SLAMF6: variants seen among roughly 807,000 people sequenced by gnomAD.
SLAMF6 encodes NK-T-B-antigen.
SLAMF6 carries 21 observed loss-of-function variants against 38.3 expected under a neutral mutation model. The ratio of observed to expected loss-of-function variants is 0.55; its 90% CI spans 0.39 to 0.79. The LOEUF (loss-of-function observed/expected upper bound fraction) is 0.79. Ranked by LOEUF, SLAMF6 falls within the 30% of genes least tolerant of loss-of-function variation. The probability of loss-of-function intolerance (pLI) is 0.00; values close to 1 mark genes in which losing one functional copy is unlikely to be tolerated. For missense variants in SLAMF6, 341 were observed against 385.3 expected (o/e 0.89, Z 0.96); for synonymous variants, 152 against 146.3 (o/e 1.04, Z -0.28).
At chr1:160,487,336 T>C (rs933232277) in intron 6 of SLAMF6, 161 bp from the exon 7 acceptor site, 1 of 191,162 alleles carries the variant, frequency 5.2e-6, no homozygotes, top group Non-Finnish European at 9.6e-6. Flanking sequence ...CGACTAGCTA[T>C]CAAACTTGTG....
intron 2 of SLAMF6, among the ~76,000 whole-genome samples, chr1:160,492,803 T>C (rs1035315190): frequency 3.9e-5 from 6 of 152,200 alleles, no homozygotes; most frequent in African/African-American, 1.4e-4. Flanking sequence ...GAGTTATCGC[T>C]GATTCATATC....
At chr1:160,502,543 A>AGAT (rs1431679980) in intron 1 of SLAMF6, among the ~76,000 whole-genome samples, 3 of 152,200 alleles carry the variant, frequency 2.0e-5, no homozygotes, top group African/African-American at 7.2e-5. Flanking sequence ...AATGTTAAGT[A>AGAT]GATTGGAATT....
chr1:160,505,206 G>C (rs3903887), intron 1 of SLAMF6, among the ~76,000 whole-genome samples: 137,618 of 152,242 alleles, frequency 0.9, 62,353 homozygotes, highest in Non-Finnish European at 0.93. Context: ...CCAGAGCAAG[G>C]AACAAAACAA....
chr1:160,493,812 G>A (rs964536254), intron 2 of SLAMF6, among the ~76,000 whole-genome samples: 4 of 152,216 alleles, frequency 2.6e-5, no homozygotes, highest in South Asian at 2.1e-4. Context: ...CAATCATGAC[G>A]GAAGGGCAAG....
At position 160,490,227 on chromosome 1, in the gene SLAMF6, G is replaced by A. The variant is rs778399692; in HGVS notation, c.767C>T (p.Ser256Phe). 3.1e-6 allele frequency: 5 copies of A among 1,613,602 alleles called. No individual in the cohort carries two copies. The highest frequency in any genetic ancestry group is 2.7e-5 in the African/African-American group (2 of 74,880). ...LVLRKRRDSL[S>F]LSTQRTQGPA... The stretch of plus-strand genomic sequence containing the variant: ...GCCCTGTGTTCGCTGAGTAGACAAA[G>A]ATAGGGAATCTGAAAAATAAAACCA... The change falls in exon 5 of 8, where the codon TCT becomes TTT. Residue 256 changes from serine (S) to phenylalanine (F), a missense_variant. Transcript: ENST00000368057.
At chr1:160,495,916 G>A in intron 2 of SLAMF6, 145 bp downstream of exon 2, 1 of 712,842 alleles carries the variant, frequency 1.4e-6, no homozygotes, top group Non-Finnish European at 2.3e-6. Flanking sequence ...TGGCTTTGCA[G>A]TGTCATTGTG....
chr1:160,486,813 C>T (rs1652986877), intron 7 of SLAMF6, 59 bp from the exon 8 acceptor site: 6 of 1,576,364 alleles, frequency 3.8e-6, no homozygotes, highest in Admixed American at 1.7e-5. Flanking sequence ...CAGCCCACCC[C>T]TCATAACTAC....
chr1:160,516,209 C>A (rs1654736080), intron 1 of SLAMF6, among the ~76,000 whole-genome samples: 1 of 152,028 alleles, frequency 6.6e-6, no homozygotes, highest in African/African-American at 2.4e-5. Flanking sequence ...ACAACACACA[C>A]AGGCAAGCAG....
At position 160,507,365 on chromosome 1, in the gene SLAMF6, A is replaced by G. The variant is rs1447360149; in HGVS notation, c.50-10972T>C. Reference sequence around the variant, plus strand: ...TAACAATTATAAACACATATGCACCAAACAACAGCCCCAAAATATATAAAG... The same window carrying G: ...TAACAATTATAAACACATATGCACCGAACAACAGCCCCAAAATATATAAAG... On this transcript the variant is annotated intron_variant, in intron 1 of 7. Transcript: ENST00000368057. 2.0e-5 allele frequency among the ~76,000 whole-genome samples: 3 copies of G among 152,148 alleles called. No individual in the cohort carries two copies. The East Asian group carries it at 5.8e-4, about 29-fold the overall frequency.
At chr1:160,518,820 GC>G (rs1252759935) in intron 1 of SLAMF6, among the ~76,000 whole-genome samples, 1 of 152,032 alleles carries the variant, frequency 6.6e-6, no homozygotes, top group Non-Finnish European at 1.5e-5. Flanking sequence ...TGTATGCAGG[GC>G]TTAATACTTA....
At chr1:160,489,021 G>T in intron 6 of SLAMF6, 67 bp downstream of exon 6, 1 of 1,403,354 alleles carries the variant, frequency 7.1e-7, no homozygotes, top group Non-Finnish European at 1.0e-6. Context: ...AGATGGTTAT[G>T]GTGACAAGTT....
rs182417513 is a variant in SLAMF6, at chr1:160,496,778, G to A, written c.50-385C>T. ...AAAACTGCAAGTCTTTGCTAATAAA[G>A]CATAATTAAAGCCTGATATTTACTG... On this transcript the variant is annotated intron_variant, in intron 1 of 7. Transcript: ENST00000368057. 5.3e-5 allele frequency among the ~76,000 whole-genome samples: 8 copies of A among 152,284 alleles called. No homozygotes were observed. In the East Asian group the frequency reaches 1.5e-3, roughly 29 times the overall value.
chr1:160,491,600 T>C (rs534082758), intron 2 of SLAMF6, among the ~76,000 whole-genome samples: 5 of 152,306 alleles, frequency 3.3e-5, no homozygotes, highest in African/African-American at 1.2e-4. Context: ...TGGGGCAGGA[T>C]AGTCAGCAGA....
intron 2 of SLAMF6, among the ~76,000 whole-genome samples, chr1:160,494,467 TG>T (rs1653461983): frequency 6.6e-6 from 1 of 151,982 alleles, no homozygotes; most frequent in South Asian, 2.1e-4. Context: ...CTGCCTGTAG[TG>T]GGTTGAATAA....
At chr1:160,492,320 T>C (rs1335906431) in intron 2 of SLAMF6, among the ~76,000 whole-genome samples, 2 of 152,164 alleles carry the variant, frequency 1.3e-5, no homozygotes, top group African/African-American at 2.4e-5. Flanking sequence ...GGAGTATCTG[T>C]ACTGAAATAT....
rs538460360 is a variant in SLAMF6, at chr1:160,486,759, G to T, written c.952-5C>A. On this transcript the variant is annotated splice_polypyrimidine_tract_variant and splice_region_variant and intron_variant, in intron 7 of 7. Coordinates refer to ENST00000368057, the MANE Select transcript of SLAMF6 (RefSeq NM_001184714.2). ...CCTGGAAAAAGTGGGTTTACTCTGTGGGAAAAAGAGGAAGATGAGGTAGGT... is the reference window on the plus strand; with the variant it reads ...CCTGGAAAAAGTGGGTTTACTCTGTTGGAAAAAGAGGAAGATGAGGTAGGT... The T allele has an allele frequency of 1.1e-5, 17 of 1,613,766 alleles. No homozygotes were observed. Among genetic ancestry groups the T allele is most frequent in the Non-Finnish European group, 1.4e-5 (16 of 1,179,824 alleles).
intron 2 of SLAMF6, among the ~76,000 whole-genome samples, chr1:160,493,923 G>A (rs1164760314): frequency 6.6e-6 from 1 of 152,068 alleles, no homozygotes; most frequent in Non-Finnish European, 1.5e-5. Context: ...TCACTATCAT[G>A]AGAACAGCAT....
Position 160,490,602 on chromosome 1 carries a change from G to A in SLAMF6, c.730C>T (p.Leu244=), listed in dbSNP as rs34355503. The A allele has an allele frequency of 3.8e-4, 621 of 1,613,842 alleles. 4 individuals carry two copies. In the African/African-American group the frequency reaches 6.6e-3, roughly 17 times the overall value. ...ICIVFGFIIL[L]LLVLRKRRDS... ...CTTCTTTTCCTCAAAACAAGTAACA[G>A]CAGTATGATGAAACCGAAGACTATG... The change falls in exon 4 of 8, where the codon CTG becomes TTG. Residue 244 remains leucine, a synonymous_variant. Transcript: ENST00000368057.
chr1:160,522,066 A>G (rs2102076111), intron 1 of SLAMF6, among the ~76,000 whole-genome samples: 1 of 152,198 alleles, frequency 6.6e-6, no homozygotes, highest in African/African-American at 2.4e-5. Flanking sequence ...TCTCATTCCA[A>G]TTACCAATTA....
Sources: allele counts gnomAD v4.1 joint callset (sites outside exome capture counted in the v4.1 genomes callset), GRCh38; gene constraint gnomAD v4.1.1; transcripts MANE v1.5; gene names NCBI Gene and HGNC (gene_info 2026-07-23, HGNC 2026-07-21).